The following CLK2 variants were observed in gnomAD, a reference collection of about 807,000 sequenced individuals.
The protein encoded by CLK2 is CDC like kinase 2, also known as dual specificity protein kinase CLK2.
Under a neutral mutation model 73.5 loss-of-function variants are expected in CLK2, and 12 were observed. The ratio of observed to expected loss-of-function variants is 0.16; its 90% CI spans 0.10 to 0.26. The LOEUF (loss-of-function observed/expected upper bound fraction) is 0.26. CLK2 is among the 10% of genes least tolerant of loss of function. CLK2 has a pLI of 1.00. For synonymous variants in CLK2, 232 were observed against 237.9 expected (o/e 0.98, Z 0.23); for missense variants, 509 against 688.4 (o/e 0.74, Z 2.92).
At chr1:155,267,754 T>C (rs973123243) in intron 6 of CLK2, among the ~76,000 whole-genome samples, 9 of 152,200 alleles carry the variant, frequency 5.9e-5, no homozygotes, top group African/African-American at 1.7e-4. Context: ...AGGGTATATC[T>C]CTACAGAAGC....
intron 3 of CLK2, chr1:155,269,165 GCTT>G (rs1673372329): frequency 1.7e-6 from 1 of 578,350 alleles, no homozygotes; most frequent in East Asian, 2.9e-5. Flanking sequence ...AGAGCCCAGG[GCTT>G]GGGGGAAAAA....
intron 2 of CLK2, among the ~76,000 whole-genome samples, chr1:155,269,945 G>A (rs997575234): frequency 1.3e-5 from 2 of 152,106 alleles, no homozygotes; most frequent in East Asian, 1.9e-4. Flanking sequence ...CTCCCTATTG[G>A]GGCCTTTTTC....
At chr1:155,269,448 C>T in intron 3 of CLK2, 40 bp downstream of exon 3, 1 of 1,569,192 alleles carries the variant, frequency 6.4e-7, no homozygotes, top group Non-Finnish European at 8.8e-7. Flanking sequence ...AGAGGGCCTG[C>T]AGAAGAGTGG....
intron 1 of CLK2, among the ~76,000 whole-genome samples, chr1:155,272,838 A>G (rs924909655): frequency 6.6e-6 from 1 of 152,132 alleles, no homozygotes; most frequent in Non-Finnish European, 1.5e-5. Flanking sequence ...GAAAATCCAG[A>G]ACTCCTACAG....
chr1:155,264,429 A>G (rs1673132638), intron 10 of CLK2, 39 bp downstream of exon 10: 1 of 1,610,018 alleles, frequency 6.2e-7, no homozygotes, highest in Admixed American at 1.7e-5. Flanking sequence ...ACCAGGTAGA[A>G]GAATGCCAGG....
intron 11 of CLK2, 33 bp downstream of exon 11, chr1:155,264,188 A>G (rs764075256): frequency 2.5e-6 from 4 of 1,611,020 alleles, no homozygotes; most frequent in Non-Finnish European, 3.4e-6. Flanking sequence ...AGAGAAAAGG[A>G]AAAGAGTTAA....
chr1:155,263,814 C>T, intron 12 of CLK2, 136 bp downstream of exon 12: 2 of 1,394,270 alleles, frequency 1.4e-6, no homozygotes, highest in Non-Finnish European at 2.0e-6. Context: ...CTCTGTTGAC[C>T]AAAGATGTCT....
chr1:155,266,596 A>C, intron 7 of CLK2, 133 bp downstream of exon 7: 1 of 956,226 alleles, frequency 1.0e-6, no homozygotes, highest in Non-Finnish European at 1.5e-6. Flanking sequence ...AGACGTTTCA[A>C]GATGACAGTA....
At chr1:155,265,541 TGGGCAACA>T (rs1462098442) in intron 8 of CLK2, among the ~76,000 whole-genome samples, 1 of 146,464 alleles carries the variant, frequency 6.8e-6, no homozygotes, top group African/African-American at 2.6e-5. Context: ...CACATCAGTC[TGGGCAACA>T]GAGTGAGACT....
At chr1:155,267,883 T>C (rs897963212) in intron 6 of CLK2, 127 bp downstream of exon 6, 5 of 710,056 alleles carry the variant, frequency 7.0e-6, no homozygotes, top group Non-Finnish European at 1.3e-5. Context: ...TACTCTAAGA[T>C]GATGAACAAA....
At chr1:155,271,423 AC>A (rs1296324420) in intron 1 of CLK2, among the ~76,000 whole-genome samples, 1 of 152,132 alleles carries the variant, frequency 6.6e-6, no homozygotes, top group East Asian at 1.9e-4. Context: ...ACGGGGTTTC[AC>A]CATGTTGGCC....
At chr1:155,267,858 A>T in intron 6 of CLK2, 152 bp downstream of exon 6, 1 of 662,232 alleles carries the variant, frequency 1.5e-6, no homozygotes, top group Non-Finnish European at 2.7e-6. Flanking sequence ...CCCCTTTCCT[A>T]CCCTGATGTT....
At chr1:155,266,924 T>C (rs1673259334) in intron 6 of CLK2, 29 bp from the exon 7 acceptor site, 8 of 1,610,484 alleles carry the variant, frequency 5.0e-6, no homozygotes, top group Non-Finnish European at 6.8e-6. Context: ...GAAGGGGGGT[T>C]GTCTGATGAG....
Position 155,268,442 on chromosome 1 carries a change from C to A in CLK2, c.488-83G>T. 8.9e-7 allele frequency: 1 copy of A among 1,123,916 alleles called. No homozygotes were observed. The highest frequency in any genetic ancestry group is 1.4e-6 in the Non-Finnish European group (1 of 740,730). The allele number at this position is 1,123,916 out of a possible 1,614,324, so 69.6% of individuals were successfully genotyped here. ...TGAGTTGGAAGAAAAAAGGGGACAG[C>A]AACCTGGGGTGGAGATGAAGGAAGG... On this transcript the variant is annotated intron_variant, in intron 4 of 12. Transcript: ENST00000368361. The surrounding 1 kb of genome is among the most constrained non-coding windows in gnomAD (Gnocchi z 5.6).
chr1:155,264,276 C>A lies in CLK2; in HGVS notation c.1171G>T (p.Ala391Ser), dbSNP rs374917896. 74 of 1,614,068 alleles carry A rather than the reference C, an allele frequency of 4.6e-5. No homozygotes were observed. In the Middle Eastern group the frequency reaches 4.9e-4, roughly 11 times the overall value. The change falls in exon 11 of 13, where the codon GCC (alanine) becomes TCC (serine). Residue 391 changes from alanine to serine, a missense_variant. Around this residue, in one of 6 missense-constraint regions of CLK2, gnomAD observed 48 missense variants for 144.9 expected, o/e 0.33. Coordinates refer to ENST00000368361, the MANE Select transcript of CLK2 (RefSeq NM_001294338.2). ...GGACCCAAGATCCTTTCCATCATGG[C>A]TAGATGCTCTCTGTTGTCATGGGTC... is the stretch of plus-strand genomic sequence containing the variant. ...FQTHDNREHL[A>S]MMERILGPIP...
At position 155,270,972 on chromosome 1, in the gene CLK2, C is replaced by T. The variant is rs777863814; in HGVS notation, c.6G>A (p.Pro2=). 5 of 1,607,594 alleles carry T rather than the reference C, an allele frequency of 3.1e-6. No individual in the cohort carries two copies. Among genetic ancestry groups the T allele is most frequent in the East Asian group, 2.2e-5 (1 of 44,676 alleles). ...CTGAGGAGTGGTACCTTCGAGGATG[C>T]GGCATCTGGAAGGCAAGGGAAAGCG... M[P]HPRRYHSSER... is the part of the protein sequence containing the mutation. The change falls in exon 2 of 13, where the codon CCG becomes CCA. Residue 2 remains proline, a synonymous_variant. Coordinates refer to ENST00000368361, the MANE Select transcript of CLK2 (RefSeq NM_001294338.2).
At chr1:155,269,388 G>T in intron 3 of CLK2, 100 bp downstream of exon 3, 1 of 1,052,092 alleles carries the variant, frequency 9.5e-7, no homozygotes, top group Non-Finnish European at 1.4e-6. Context: ...CAGTGTTCAT[G>T]CCCCAATGTT....
At chr1:155,267,219 A>C (rs771385966) in intron 6 of CLK2, among the ~76,000 whole-genome samples, 32 of 152,036 alleles carry the variant, frequency 2.1e-4, no homozygotes, top group Non-Finnish European at 3.1e-4. Context: ...CAGCCTTCCA[A>C]GTAGCTGGGA....
In CLK2 at chr1:155,268,222, T is replaced by C; in HGVS notation, c.554+71A>G. On this transcript the variant is annotated intron_variant, in intron 5 of 12. Transcript: ENST00000368361. The surrounding 1 kb of genome is among the most constrained non-coding windows in gnomAD (Gnocchi z 5.6). ...ACTAAGAAATTCTACCTCAGGTTAA[T>C]TAGCAAAAAAGCCCCATATAACCCC... is the stretch of plus-strand genomic sequence containing the variant. 6.4e-7 allele frequency: 1 copy of C among 1,564,170 alleles called. No individual in the cohort carries two copies. Among genetic ancestry groups the C allele is most frequent in the Non-Finnish European group, 8.8e-7 (1 of 1,134,900 alleles).
Sources: allele counts gnomAD v4.1 joint callset (sites outside exome capture counted in the v4.1 genomes callset), GRCh38; gene constraint gnomAD v4.1.1; regional missense constraint gnomAD v4.1.1; non-coding constraint Gnocchi (gnomAD v3.1); transcripts MANE v1.5; gene names NCBI Gene and HGNC (gene_info 2026-07-23, HGNC 2026-07-21).